Variants in PTPRD observed in about 807,000 individuals in gnomAD.
PTPRD encodes the protein protein tyrosine phosphatase receptor type D.
PTPRD carries 34 observed loss-of-function variants against 214.5 expected under a neutral mutation model. The observed-to-expected ratio is 0.16, with a 90% CI of 0.12 to 0.21. The LOEUF (loss-of-function observed/expected upper bound fraction) is 0.21, where lower values mean the gene tolerates loss of function less well. Ranked by LOEUF, PTPRD falls within the 10% of genes least tolerant of loss-of-function variation. PTPRD has a pLI of 1.00. For synonymous variants in PTPRD, 1,128 were observed against 845.7 expected, an observed-to-expected ratio of 1.33 and a Z score of -5.79; for missense variants, 2,545 against 2,398.7, an observed-to-expected ratio of 1.06 and a Z score of -1.27.
intron 9 of PTPRD, among the ~76,000 whole-genome samples, chr9:9,319,663 C>G (rs1218657725): frequency 6.6e-6 from 1 of 152,126 alleles, no homozygotes; most frequent in Non-Finnish European, 1.5e-5. Context: ...AGAGGTAGCT[C>G]TTACGTAGTT....
intron 2 of PTPRD, among the ~76,000 whole-genome samples, chr9:10,425,175 T>C (rs762216769): frequency 1.3e-5 from 2 of 151,964 alleles, no homozygotes; most frequent in East Asian, 1.9e-4. Flanking sequence ...CTAGTAAATA[T>C]AAAATGGCTG....
chr9:10,308,145 C>A (rs1210143303), intron 3 of PTPRD, among the ~76,000 whole-genome samples: 2 of 151,868 alleles, frequency 1.3e-5, no homozygotes, highest in African/African-American at 4.8e-5. Context: ...TTGCCTACAT[C>A]AATGTCCTGA....
intron 2 of PTPRD, among the ~76,000 whole-genome samples, chr9:10,606,730 T>A (rs183072834): frequency 6.6e-6 from 1 of 151,790 alleles, no homozygotes; most frequent in African/African-American, 2.4e-5. Flanking sequence ...ATGTGGGTAG[T>A]AGTAAAAAAT....
chr9:9,624,713 C>A, intron 7 of PTPRD, among the ~76,000 whole-genome samples: 1 of 151,776 alleles, frequency 6.6e-6, no homozygotes, highest in East Asian at 1.9e-4. Flanking sequence ...TCAGTGGGAT[C>A]GATTTAATAT....
At chr9:9,670,734 C>G (rs1489230360) in intron 7 of PTPRD, among the ~76,000 whole-genome samples, 5 of 152,148 alleles carry the variant, frequency 3.3e-5, no homozygotes, top group Admixed American at 1.3e-4. Context: ...GGCCTCAAGC[C>G]TTGACAGCTT....
chr9:8,590,696 G>T lies in PTPRD; in HGVS notation c.352+42621C>A, dbSNP rs568846468. On this transcript the variant is annotated intron_variant, in intron 14 of 45. Coordinates refer to ENST00000381196, the MANE Select transcript of PTPRD (RefSeq NM_002839.4). Reference sequence around the variant, plus strand: ...TGTTTCTTTGGTGTGAAGAGCAGGGGTCACAAAGGCATATGGATAGTAAAT... The same window carrying T: ...TGTTTCTTTGGTGTGAAGAGCAGGGTTCACAAAGGCATATGGATAGTAAAT... Among the ~76,000 whole-genome samples the T allele has an allele frequency of 1.6e-4, 24 of 152,230 alleles. No individual in the cohort carries two copies. The South Asian group carries it at 3.3e-3, about 21-fold the overall frequency.
At chr9:10,255,702 G>C (rs2093205907) in intron 3 of PTPRD, among the ~76,000 whole-genome samples, 1 of 152,006 alleles carries the variant, frequency 6.6e-6, no homozygotes, top group African/African-American at 2.4e-5. Flanking sequence ...AAACTTTTTA[G>C]TTTTTAGATT....
At chr9:10,123,338 G>C (rs1401793492) in intron 3 of PTPRD, among the ~76,000 whole-genome samples, 1 of 152,172 alleles carries the variant, frequency 6.6e-6, no homozygotes, top group Non-Finnish European at 1.5e-5. Context: ...TGTGAGGTGA[G>C]GAAACATTTA....
intron 7 of PTPRD, among the ~76,000 whole-genome samples, chr9:9,673,235 C>G (rs1338198569): frequency 6.6e-6 from 1 of 151,720 alleles, no homozygotes; most frequent in African/African-American, 2.4e-5. Context: ...GATTTCTTTC[C>G]CTATTAATTT....
rs186028664 is a variant in PTPRD at position 9,550,894 on chromosome 9, A to G, written c.-237+23838T>C. On this transcript the variant is annotated intron_variant, in intron 8 of 45. Transcript: ENST00000381196. ...ATGTAAATTAAAATCACAAGAACAT[A>G]TCACTACACATTAACTAAAAATGGC... Among the ~76,000 whole-genome samples, 32 of 152,110 alleles carry G rather than the reference A, an allele frequency of 2.1e-4. No homozygotes were observed. In the East Asian group the frequency reaches 5.4e-3, roughly 26 times the overall value.
In PTPRD at chr9:10,211,138, G is replaced by C. The variant is rs78507121; in HGVS notation, c.-545+129825C>G. Among the ~76,000 whole-genome samples, 90 of 152,106 alleles carry C rather than the reference G, an allele frequency of 5.9e-4. 1 individual carries two copies. The East Asian group carries it at 0.016, about 27-fold the overall frequency. On this transcript the variant is annotated intron_variant, in intron 3 of 45. Transcript: ENST00000381196. The stretch of plus-strand genomic sequence containing the variant: ...AAAATAAAAAATGAAAACAGCTGAT[G>C]CTTTGGGGTAAGCAATTAATTTCTT...
At chr9:9,721,670 C>T (rs2097950003) in intron 7 of PTPRD, among the ~76,000 whole-genome samples, 1 of 152,080 alleles carries the variant, frequency 6.6e-6, no homozygotes, top group African/African-American at 2.4e-5. Flanking sequence ...TTTATGATGT[C>T]ATGTGTTTAA....
intron 9 of PTPRD, among the ~76,000 whole-genome samples, chr9:9,319,832 A>G (rs533532983): frequency 2.0e-5 from 3 of 152,282 alleles, no homozygotes. Context: ...AGTATTTTTG[A>G]ATAATTTACA....
intron 7 of PTPRD, among the ~76,000 whole-genome samples, chr9:9,659,340 G>GA (rs941059563): frequency 1.3e-5 from 2 of 151,998 alleles, no homozygotes; most frequent in African/African-American, 4.8e-5. Flanking sequence ...ATTTGAGAGA[G>GA]AAAAAATTTC....
intron 5 of PTPRD, among the ~76,000 whole-genome samples, chr9:9,914,486 T>A (rs13286918): frequency 0.5 from 76,287 of 152,010 alleles, 20,704 homozygotes; most frequent in Non-Finnish European, 0.62. Flanking sequence ...GCAGACACAA[T>A]CAGAGGCCAG....
At chr9:8,452,499 C>A (rs1432786475) in intron 33 of PTPRD, among the ~76,000 whole-genome samples, 1 of 152,038 alleles carries the variant, frequency 6.6e-6, no homozygotes, top group Admixed American at 6.5e-5. Flanking sequence ...AACCTTTTTT[C>A]CTGATAAATT....
At chr9:9,877,811 T>C (rs1467838245) in intron 5 of PTPRD, among the ~76,000 whole-genome samples, 1 of 151,728 alleles carries the variant, frequency 6.6e-6, no homozygotes, top group East Asian at 1.9e-4. Flanking sequence ...CTGTCTCTAC[T>C]GAAAATACAA....
At chr9:9,502,065 T>C (rs1354736550) in intron 8 of PTPRD, among the ~76,000 whole-genome samples, 2 of 151,912 alleles carry the variant, frequency 1.3e-5, no homozygotes, top group Middle Eastern at 3.2e-3. Context: ...ATCGATGTCA[T>C]AAACATATTC....
intron 11 of PTPRD, among the ~76,000 whole-genome samples, chr9:8,760,832 G>T (rs1179823547): frequency 6.6e-6 from 1 of 152,136 alleles, no homozygotes; most frequent in East Asian, 1.9e-4. Flanking sequence ...AAGTAAAGTA[G>T]AAAGTAAATT....
Sources: gnomAD v4.1 joint callset for allele counts (sites outside exome capture counted in the v4.1 genomes callset) on GRCh38, gnomAD v4.1.1 for gene constraint, MANE v1.5 for transcripts, NCBI Gene and HGNC (gene_info 2026-07-23, HGNC 2026-07-21) for gene names.